Variants in DNAH8 observed in about 807,000 individuals in gnomAD.
The protein encoded by DNAH8 is axonemal beta dynein heavy chain 8.
Under a neutral mutation model 562.1 loss-of-function variants are expected in DNAH8, and 382 were observed. The observed-to-expected ratio is 0.68, with a 90% CI of 0.63 to 0.74. The LOEUF (loss-of-function observed/expected upper bound fraction) is 0.74. Among genes scored for constraint, DNAH8 ranks in the 30% least tolerant of loss-of-function variants. DNAH8 has a pLI of 0.00. For synonymous variants in DNAH8, 1,881 were observed against 1,919.4 expected, an observed-to-expected ratio of 0.98 and a Z score of 0.52; for missense variants, 5,203 against 5,620.4, an observed-to-expected ratio of 0.93 and a Z score of 2.37.
At chr6:38,881,779 A>G (rs906808558) in intron 53 of DNAH8, among the ~76,000 whole-genome samples, 4 of 152,066 alleles carry the variant, frequency 2.6e-5, no homozygotes, top group African/African-American at 9.7e-5. Context: ...GCGAACTTCC[A>G]ACCTCAGCTG....
intron 83 of DNAH8, 73 bp from the exon 84 acceptor site, chr6:38,973,588 T>C (rs1763478486): frequency 4.8e-6 from 6 of 1,250,038 alleles, no homozygotes; most frequent in South Asian, 1.6e-5. Context: ...TTAAAAAAAG[T>C]GCACATTTTG....
At chr6:38,867,844 G>A (rs377196312) in intron 47 of DNAH8, among the ~76,000 whole-genome samples, 3 of 151,946 alleles carry the variant, frequency 2.0e-5, no homozygotes, top group East Asian at 3.9e-4. Context: ...TTTAAGGTGT[G>A]AATACTTACT....
chr6:38,738,235 T>C (rs1291129746), intron 7 of DNAH8, among the ~76,000 whole-genome samples: 1 of 152,190 alleles, frequency 6.6e-6, no homozygotes, highest in Non-Finnish European at 1.5e-5. Context: ...GAATCAGGAA[T>C]AGCCAACATT....
intron 82 of DNAH8, among the ~76,000 whole-genome samples, chr6:38,966,416 A>T (rs1255378605): frequency 6.6e-6 from 1 of 152,216 alleles, no homozygotes; most frequent in Admixed American, 6.5e-5. Context: ...AATTTTAAAG[A>T]ATAGCACTAG....
intron 91 of DNAH8, among the ~76,000 whole-genome samples, chr6:39,023,604 C>T (rs1767074783): frequency 6.6e-6 from 1 of 152,222 alleles, no homozygotes. Context: ...AAAAATTATA[C>T]AGGCTTCAAA....
intron 64 of DNAH8, among the ~76,000 whole-genome samples, chr6:38,908,824 A>G (rs1780673182): frequency 6.6e-6 from 1 of 152,180 alleles, no homozygotes; most frequent in Non-Finnish European, 1.5e-5. Context: ...AAGTGCTGGG[A>G]TTACAGGCAT....
chr6:38,727,121 G>A (rs1255343080), intron 3 of DNAH8, among the ~76,000 whole-genome samples: 1 of 152,110 alleles, frequency 6.6e-6, no homozygotes, highest in East Asian at 1.9e-4. Context: ...ACCTCCCAAA[G>A]GGCTGGGATT....
At chr6:39,028,484 A>G (rs959381669) in intron 92 of DNAH8, among the ~76,000 whole-genome samples, 1 of 152,180 alleles carries the variant, frequency 6.6e-6, no homozygotes, top group Non-Finnish European at 1.5e-5. Context: ...ATTCATCTGT[A>G]TAAGTATATA....
At chr6:38,925,944 A>C in intron 73 of DNAH8, 111 bp from the exon 74 acceptor site, 1 of 1,081,032 alleles carries the variant, frequency 9.3e-7, no homozygotes, top group Non-Finnish European at 1.3e-6. Context: ...CATAGTCTCA[A>C]AGGAAAATAA....
At position 38,822,862 on chromosome 6, in the gene DNAH8, C is replaced by A; in HGVS notation, c.3548C>A (p.Ala1183Glu). 1 of 1,600,306 alleles carries A rather than the reference C, an allele frequency of 6.2e-7. No homozygotes were observed. The highest frequency in any genetic ancestry group is 8.5e-7 in the Non-Finnish European group (1 of 1,175,648). The change falls in exon 27 of 93, where the codon GCG becomes GAG. Residue 1183 changes from alanine (A) to glutamate (E), a missense_variant. By Grantham distance (107) the Ala-to-Glu change is moderately radical. Around this residue, in one of 6 missense-constraint regions of DNAH8, gnomAD observed 2,176 missense variants for 2,365.1 expected, o/e 0.92. Coordinates refer to ENST00000327475, the MANE Select transcript of DNAH8 (RefSeq NM_001206927.2). The stretch of plus-strand genomic sequence containing the variant: ...GGATCTTTTGAAGAAGCTATTCCTG[C>A]GAGGAAGCTGAAGAATTTTTACCCG... ...EERSFEEAIP[A>E]RKLKNFYPGV...
At position 39,030,301 on chromosome 6, in the gene DNAH8, T is replaced by G; in HGVS notation, c.14033T>G (p.Leu4678Trp). 6.2e-7 allele frequency: 1 copy of G among 1,614,174 alleles called. No homozygotes were observed. The highest frequency in any genetic ancestry group is 2.2e-5 in the East Asian group (1 of 44,876). Residue 4678 changes from leucine (L) to tryptophan (W), a missense_variant, in exon 93 of 93, where the codon TTG becomes TGG. Leu to Trp is a moderately conservative substitution (Grantham distance 61). Coordinates refer to ENST00000327475, the MANE Select transcript of DNAH8 (RefSeq NM_001206927.2). Reference protein sequence around the residue: ...PIYKKPRRTDLTFITVVYLRT... With the variant: ...PIYKKPRRTDWTFITVVYLRT... ...TACAAGAAACCCAGGCGAACTGATTTGACCTTCATCACTGTGGTATATTTA... is the reference window on the plus strand; with the variant it reads ...TACAAGAAACCCAGGCGAACTGATTGGACCTTCATCACTGTGGTATATTTA...
intron 75 of DNAH8, 128 bp downstream of exon 75, chr6:38,929,794 G>A (rs1240714578): frequency 2.4e-6 from 2 of 839,324 alleles, no homozygotes; most frequent in Non-Finnish European, 3.4e-6. Context: ...GAGCATAGCA[G>A]CAAATGCAAT....
chr6:38,773,261 T>C (rs1356033684), intron 12 of DNAH8, among the ~76,000 whole-genome samples: 1 of 117,842 alleles, frequency 8.5e-6, no homozygotes, highest in African/African-American at 2.7e-5. Context: ...CAGTTACCCC[T>C]ACCCCTATTT....
intron 20 of DNAH8, among the ~76,000 whole-genome samples, chr6:38,790,694 G>C (rs888628870): frequency 6.6e-6 from 1 of 151,776 alleles, no homozygotes. Flanking sequence ...ATGGTGGCGG[G>C]CACCTGTAAT....
intron 74 of DNAH8, chr6:38,927,924 GTA>G (rs1175613661): frequency 3.3e-5 from 5 of 152,142 alleles, no homozygotes; most frequent in African/African-American, 7.2e-5. Context: ...AGACTGAATT[GTA>G]TTCTCCTTAC....
chr6:38,747,917 C>T (rs1338118174), intron 8 of DNAH8, among the ~76,000 whole-genome samples: 1 of 152,174 alleles, frequency 6.6e-6, no homozygotes, highest in Non-Finnish European at 1.5e-5. Context: ...TTTTACTCAA[C>T]ATTATTTGTG....
In DNAH8 at chr6:38,908,106, C is replaced by T. The variant is rs1219859828; in HGVS notation, c.9499C>T (p.Leu3167Phe). The T allele has an allele frequency of 6.4e-7, 1 of 1,567,386 alleles. No homozygotes were observed. The highest frequency in any genetic ancestry group is 8.6e-7 in the Non-Finnish European group (1 of 1,158,896). The change falls in exon 64 of 93, where the codon CTC becomes TTC. Residue 3167 changes from leucine (L) to phenylalanine (F), a missense_variant. By Grantham distance (22) the Leu-to-Phe change is conservative (BLOSUM62 0). Coordinates refer to ENST00000327475, the MANE Select transcript of DNAH8 (RefSeq NM_001206927.2). Reference sequence around the variant, plus strand: ...ATCAAGGAAGAACTTACATGTTGTTCTCTGCTTTTCTCCAGTAAGTTTTTA... The same window carrying T: ...ATCAAGGAAGAACTTACATGTTGTTTTCTGCTTTTCTCCAGTAAGTTTTTA... ...SRSRKNLHVVLCFSPVGEKFR... is the reference protein window; with the variant it reads ...SRSRKNLHVVFCFSPVGEKFR...
chr6:38,729,648 C>T (rs1763512277), intron 3 of DNAH8, among the ~76,000 whole-genome samples: 1 of 152,058 alleles, frequency 6.6e-6, no homozygotes, highest in Admixed American at 6.5e-5. Context: ...CTATTTAACC[C>T]CTATATGATT....
rs185421575 is a variant in DNAH8 at position 38,911,624 on chromosome 6, A to T, written c.9859+38A>T. On this transcript the variant is annotated intron_variant, in intron 66 of 92. Coordinates refer to ENST00000327475, the MANE Select transcript of DNAH8 (RefSeq NM_001206927.2). ...GAATGGAATGGGATGGAATAGAAATAGGGTTTATTTGATAGGGATCTCAAT... is the reference window on the plus strand; with the variant it reads ...GAATGGAATGGGATGGAATAGAAATTGGGTTTATTTGATAGGGATCTCAAT... The T allele has an allele frequency of 1.6e-3, 2,213 of 1,358,018 alleles. 28 individuals are homozygous for T. The African/African-American group carries it at 0.026, about 16-fold the overall frequency. The allele number at this position is 1,358,018 out of a possible 1,614,324, so 84.1% of individuals were successfully genotyped here.
Sources: gnomAD v4.1 joint callset for allele counts (sites outside exome capture counted in the v4.1 genomes callset) on GRCh38, gnomAD v4.1.1 for gene constraint, gnomAD v4.1.1 regional missense constraint, MANE v1.5 for transcripts, NCBI Gene and HGNC (gene_info 2026-07-23, HGNC 2026-07-21) for gene names.